The following SQLE variants were observed in gnomAD, a reference collection of about 807,000 sequenced individuals.
The protein encoded by SQLE is squalene monooxygenase.
SQLE carries 29 observed loss-of-function variants against 60.7 expected under a neutral mutation model. That is an observed-to-expected ratio of 0.48 (90% CI 0.36 to 0.65). SQLE has a LOEUF of 0.65. Among genes scored for constraint, SQLE ranks in the 30% least tolerant of loss-of-function variants. The probability of loss-of-function intolerance (pLI) is 0.00; values close to 1 mark genes in which losing one functional copy is unlikely to be tolerated. For missense variants in SQLE, 605 were observed against 684.1 expected (o/e 0.88, Z 1.29); for synonymous variants, 237 against 246.8 (o/e 0.96, Z 0.37).
At position 125,018,687 on chromosome 8, in the gene SQLE, C is replaced by A; in HGVS notation, c.1404C>A (p.Ile468=). ...CATCTCATTCCTTTGTCGTGAATAT[C>A]CTTGCTCAGGCTCTTTATGAATTAT... ...RKTSHSFVVN[I]LAQALYELFS... The change falls in exon 9 of 11, where the codon ATC becomes ATA. Residue 468 remains isoleucine (I), a synonymous_variant. Coordinates refer to ENST00000265896, the MANE Select transcript of SQLE (RefSeq NM_003129.4). The A allele has an allele frequency of 6.2e-7, 1 of 1,606,840 alleles. No homozygotes were observed. The highest frequency in any genetic ancestry group is 8.5e-7 in the Non-Finnish European group (1 of 1,178,130).
intron 7 of SQLE, 131 bp downstream of exon 7, chr8:125,011,763 C>T (rs1815042616): frequency 1.4e-6 from 1 of 740,392 alleles, no homozygotes; most frequent in Non-Finnish European, 2.2e-6. Context: ...ATTATTAATA[C>T]CAAAATTAGT....
Position 124,998,607 on chromosome 8 carries a change from T to G in SQLE, c.-797T>G. ...AGCCGCCGCCCGCGAGGGATGCTGG[T>G]GAGGAAGCCGTCGGGAGCCGCCGCC... On this transcript the variant is annotated 5_prime_UTR_variant, in exon 1 of 11. Transcript: ENST00000265896. The G allele has an allele frequency of 1.5e-6, 1 of 686,576 alleles. No homozygotes were observed. Among genetic ancestry groups the G allele is most frequent in the Admixed American group, 2.1e-5 (1 of 48,436 alleles). 42.5% of individuals were successfully genotyped at this position (686,576 alleles called of 1,614,324 possible).
At chr8:124,999,780 A>C in intron 1 of SQLE, 86 bp downstream of exon 1, 2 of 1,437,576 alleles carry the variant, frequency 1.4e-6, no homozygotes, top group South Asian at 2.9e-5. Flanking sequence ...TTTGAATTGC[A>C]AAAGGCGGCA....
intron 3 of SQLE, among the ~76,000 whole-genome samples, chr8:125,006,723 G>C (rs78206427): frequency 8.8e-6 from 1 of 113,608 alleles, no homozygotes; most frequent in African/African-American, 3.7e-5. Flanking sequence ...TCTTTTTTTT[G>C]AGACTGAGTC....
intron 3 of SQLE, among the ~76,000 whole-genome samples, chr8:125,006,607 C>T (rs1243907460): frequency 7.4e-6 from 1 of 135,442 alleles, no homozygotes; most frequent in East Asian, 2.2e-4. Flanking sequence ...GGCGACAGAG[C>T]GAGACTTGGT....
At chr8:125,020,344 T>A (rs568069073) in intron 9 of SQLE, among the ~76,000 whole-genome samples, 1 of 152,188 alleles carries the variant, frequency 6.6e-6, no homozygotes, top group Non-Finnish European at 1.5e-5. Flanking sequence ...AAAAACTTTA[T>A]AGATATAAGG....
At chr8:125,021,611 T>A in intron 10 of SQLE, 142 bp from the exon 11 acceptor site, 1 of 582,710 alleles carries the variant, frequency 1.7e-6, no homozygotes. Context: ...CTCTAAAATG[T>A]AGAATGTTTC....
intron 1 of SQLE, among the ~76,000 whole-genome samples, chr8:125,001,240 T>A (rs1272593404): frequency 6.6e-6 from 1 of 152,196 alleles, no homozygotes; most frequent in African/African-American, 2.4e-5. Context: ...CCTGTTTTCA[T>A]GCTGTGTAGA....
intron 7 of SQLE, among the ~76,000 whole-genome samples, chr8:125,014,026 A>G (rs985707030): frequency 6.6e-6 from 1 of 152,218 alleles, no homozygotes; most frequent in Non-Finnish European, 1.5e-5. Context: ...CTTTTATTTC[A>G]GGAATATACT....
chr8:125,007,545 C>A, intron 4 of SQLE, 58 bp downstream of exon 4: 1 of 1,204,664 alleles, frequency 8.3e-7, no homozygotes, highest in Non-Finnish European at 1.2e-6. Context: ...TGCTTTTTCA[C>A]TTACCCCTTT....
chr8:125,003,172 AC>A lies in SQLE; in HGVS notation c.292-3del. ...ACCTAGTTTACCTTTTTTTTTTTAA[AC>A]AGCGCAGAAAAGGAACCAATATTTC... On this transcript the variant is annotated splice_polypyrimidine_tract_variant and splice_region_variant and intron_variant, in intron 1 of 10. Coordinates refer to ENST00000265896, the MANE Select transcript of SQLE (RefSeq NM_003129.4). The A allele has an allele frequency of 6.3e-7, 1 of 1,576,780 alleles. No individual in the cohort carries two copies. Among genetic ancestry groups the A allele is most frequent in the South Asian group, 1.2e-5 (1 of 85,216 alleles).
chr8:125,013,394 C>G (rs1444980840), intron 7 of SQLE, among the ~76,000 whole-genome samples: 1 of 142,454 alleles, frequency 7.0e-6, no homozygotes, highest in Non-Finnish European at 1.5e-5. Flanking sequence ...CTCTTGTCGC[C>G]TAGGCTGGAG....
chr8:125,008,879 A>G lies in SQLE; in HGVS notation c.823-92A>G, dbSNP rs992019532. On this transcript the variant is annotated intron_variant, in intron 4 of 10. Transcript: ENST00000265896. Reference sequence around the variant, plus strand: ...TCTCTATAATGCTATCTGATAATATATCTAAATCTCTTCACGCACATTTTT... The same window carrying G: ...TCTCTATAATGCTATCTGATAATATGTCTAAATCTCTTCACGCACATTTTT... 3 of 837,824 alleles carry G rather than the reference A, an allele frequency of 3.6e-6. No homozygotes were observed. In the African/African-American group the frequency reaches 5.2e-5, roughly 14 times the overall value. 51.9% of individuals were successfully genotyped at this position (837,824 alleles called of 1,614,324 possible). A position where few individuals can be genotyped will look rare whatever the true frequency, so the allele number is the denominator to read the frequency against.
chr8:125,019,863 AAAAAC>A (rs201846985), intron 9 of SQLE, among the ~76,000 whole-genome samples: 6,074 of 147,850 alleles, frequency 0.041, 398 homozygotes, highest in African/African-American at 0.14. Flanking sequence ...CCTAAGGAAA[AAAAAC>A]AAAACAAAAA....
intron 1 of SQLE, among the ~76,000 whole-genome samples, chr8:125,001,622 T>C (rs1010316898): frequency 4.0e-5 from 6 of 151,244 alleles, no homozygotes; most frequent in African/African-American, 1.5e-4. Context: ...AAGAGTAGAA[T>C]ATTGAGATCT....
intron 2 of SQLE, among the ~76,000 whole-genome samples, chr8:125,003,763 G>T (rs1268650601): frequency 6.6e-6 from 1 of 152,050 alleles, no homozygotes; most frequent in East Asian, 1.9e-4. Flanking sequence ...TTGTATACTT[G>T]TTACAGTGTT....
Position 124,999,290 on chromosome 8 carries a change from G to A in SQLE, c.-114G>A. The A allele has an allele frequency of 9.8e-7, 1 of 1,015,826 alleles. No individual in the cohort carries two copies. 62.9% of individuals were successfully genotyped at this position (1,015,826 alleles called of 1,614,324 possible). On this transcript the variant is annotated 5_prime_UTR_variant, in exon 1 of 11. Coordinates refer to ENST00000265896, the MANE Select transcript of SQLE (RefSeq NM_003129.4). ...TCTCGTCCTGGGACACTGTTTACTG[G>A]AGTCTGGCCGGCTCTCCGTGCTCCT... is the stretch of plus-strand genomic sequence containing the variant.
chr8:125,020,479 A>G (rs1353396120), intron 9 of SQLE, among the ~76,000 whole-genome samples: 3 of 152,230 alleles, frequency 2.0e-5, no homozygotes, highest in Non-Finnish European at 4.4e-5. Flanking sequence ...AAGAGCTTCC[A>G]AAGTATTTTG....
rs946504868 is a variant in SQLE, at chr8:124,999,006, C to T, written c.-398C>T. The T allele has an allele frequency of 3.6e-6, 1 of 278,988 alleles. No homozygotes were observed. Among genetic ancestry groups the T allele is most frequent in the African/African-American group, 2.2e-5 (1 of 46,080 alleles). The allele number at this position is 278,988 out of a possible 1,614,324, so 17.3% of individuals were successfully genotyped here. A position where few individuals can be genotyped will look rare whatever the true frequency, so the allele number is the denominator to read the frequency against. ...CCATTCCCTTCTGAAAGGGCACCTG[C>T]TCTTGGTGAGAAAAGAAATTATAGC... On this transcript the variant is annotated 5_prime_UTR_variant, in exon 1 of 11. Transcript: ENST00000265896.
Sources: gnomAD v4.1 joint callset for allele counts (sites outside exome capture counted in the v4.1 genomes callset) on GRCh38, gnomAD v4.1.1 for gene constraint, MANE v1.5 for transcripts, NCBI Gene and HGNC (gene_info 2026-07-23, HGNC 2026-07-21) for gene names.